The following SEPTIN1 variants were observed in gnomAD, a reference collection of about 807,000 sequenced individuals.
SEPTIN1 encodes the protein septin 1.
SEPTIN1 carries 52 observed loss-of-function variants against 50.7 expected under a neutral mutation model. The observed-to-expected ratio is 1.03, with a 90% CI of 0.82 to 1.29. SEPTIN1 has a LOEUF of 1.29. Ranked by LOEUF, SEPTIN1 falls within the 50% of genes most tolerant of loss-of-function variation. The pLI, the probability that SEPTIN1 is intolerant of heterozygous loss-of-function variation, is 0.00. For synonymous variants in SEPTIN1, 204 were observed against 189.1 expected, an observed-to-expected ratio of 1.08 and a Z score of -0.65; for missense variants, 455 against 490.7, an observed-to-expected ratio of 0.93 and a Z score of 0.69.
At position 30,382,255 on chromosome 16, in the gene SEPTIN1, C is replaced by T. The variant is rs1181717015; in HGVS notation, c.109+20G>A. 4 of 1,613,150 alleles carry T rather than the reference C, an allele frequency of 2.5e-6. No individual in the cohort carries two copies. The highest frequency in any genetic ancestry group is 2.2e-5 in the East Asian group (1 of 44,884). ...CCTAAGGACATCCCCTCCGCAGTTC[C>T]CTCTCCAAAACCCCCAGACCTGCCA... On this transcript the variant is annotated intron_variant, in intron 2 of 10. Coordinates refer to ENST00000321367, the MANE Select transcript of SEPTIN1 (RefSeq NM_001365977.2). The surrounding 1 kb of genome is among the most constrained non-coding windows in gnomAD (Gnocchi z 4.8).
chr16:30,378,574 G>A, intron 10 of SEPTIN1, 36 bp downstream of exon 10: 1 of 1,609,140 alleles, frequency 6.2e-7, no homozygotes, highest in South Asian at 1.1e-5. Context: ...GGGGGACCTG[G>A]GGCATCGGTC....
intron 7 of SEPTIN1, 94 bp from the exon 8 acceptor site, chr16:30,379,628 C>G (rs1324181264): frequency 2.1e-5 from 14 of 671,036 alleles, no homozygotes; most frequent in African/African-American, 3.9e-5. Context: ...CCTCTGCTTC[C>G]TGCCCCTTCC....
At position 30,382,113 on chromosome 16, in the gene SEPTIN1, C is replaced by T. The variant is rs746174841; in HGVS notation, c.176G>A (p.Arg59His). Residue 59 changes from arginine to histidine, a missense_variant, in exon 3 of 11, where the codon CGC becomes CAC. Transcript: ENST00000321367. The surrounding 1 kb of genome is among the most constrained non-coding windows in gnomAD (Gnocchi z 4.8). ...CTTACCACTGGCCTCTGGCACCTGG[C>T]GATCCTCATAGAGGTTGGTGAGGAA... ...SLFLTNLYED[R>H]QVPEASARLT... 7 of 1,582,624 alleles carry T rather than the reference C, an allele frequency of 4.4e-6. No individual in the cohort carries two copies. Among genetic ancestry groups the T allele is most frequent in the Non-Finnish European group, 3.4e-6 (4 of 1,163,962 alleles).
Position 30,378,460 on chromosome 16 carries a change from G to T in SEPTIN1, c.1093C>A (p.Gln365Lys). 6.3e-7 allele frequency: 1 copy of T among 1,575,702 alleles called. No individual in the cohort carries two copies. The change falls in exon 11 of 11, where the codon CAG becomes AAG. Residue 365 changes from glutamine to lysine, a missense_variant. Transcript: ENST00000321367. ...CAGAGGGCGTCTGACTGCTCGCCCTGGGCCTGGCTCTGCTGCATTTGGGCC... is the reference window on the plus strand; with the variant it reads ...CAGAGGGCGTCTGACTGCTCGCCCTTGGCCTGGCTCTGCTGCATTTGGGCC... ...MQAQMQQSQAQGEQSDAL is the reference protein window; with the variant it reads ...MQAQMQQSQAKGEQSDAL
chr16:30,378,770 A>C (rs1047308484), intron 9 of SEPTIN1, 70 bp from the exon 10 acceptor site: 40 of 1,396,442 alleles, frequency 2.9e-5, no homozygotes, highest in Admixed American at 6.0e-5. Context: ...CCCAGGAGGC[A>C]GGGCCTGGGG....
At chr16:30,379,389 C>T (rs750235408) in intron 8 of SEPTIN1, 46 bp downstream of exon 8, 30 of 1,551,834 alleles carry the variant, frequency 1.9e-5, no homozygotes, top group Non-Finnish European at 2.6e-5. Flanking sequence ...ACCCAGAGGC[C>T]CCGGGCTCCC....
At position 30,381,279 on chromosome 16, in the gene SEPTIN1, G is replaced by A. The variant is rs370529214; in HGVS notation, c.456-35C>T. The A allele has an allele frequency of 1.2e-6, 2 of 1,611,346 alleles. No individual in the cohort carries two copies. The highest frequency in any genetic ancestry group is 2.2e-5 in the East Asian group (1 of 44,880). ...GGGATTGGTCATTGCCCAGCCTCAGGGGGCAGAGACCCCCCAGCCCTCCCT... is the reference window on the plus strand; with the variant it reads ...GGGATTGGTCATTGCCCAGCCTCAGAGGGCAGAGACCCCCCAGCCCTCCCT... On this transcript the variant is annotated intron_variant, in intron 5 of 10. Coordinates refer to ENST00000321367, the MANE Select transcript of SEPTIN1 (RefSeq NM_001365977.2). The surrounding 1 kb of genome is among the most constrained non-coding windows in gnomAD (Gnocchi z 4.3).
Position 30,380,094 on chromosome 16 carries a change from C to T in SEPTIN1, c.574-61G>A, listed in dbSNP as rs1184615475. ...GGCCACAATGACAGACATTTCATGACCAGAGACAGTGAGACACAGAGATAC... is the reference window on the plus strand; with the variant it reads ...GGCCACAATGACAGACATTTCATGATCAGAGACAGTGAGACACAGAGATAC... On this transcript the variant is annotated intron_variant, in intron 6 of 10. Coordinates refer to ENST00000321367, the MANE Select transcript of SEPTIN1 (RefSeq NM_001365977.2). The T allele has an allele frequency of 7.2e-6, 10 of 1,396,950 alleles. No homozygotes were observed. In the South Asian group the frequency reaches 1.2e-4, roughly 17 times the overall value. The allele number at this position is 1,396,950 out of a possible 1,614,324, so 86.5% of individuals were successfully genotyped here.
Position 30,381,734 on chromosome 16 carries a change from C to CCT in SEPTIN1, c.320+24_320+25dup. 6.2e-7 allele frequency: 1 copy of CCT among 1,612,588 alleles called. No individual in the cohort carries two copies. Among genetic ancestry groups the CCT allele is most frequent in the Non-Finnish European group, 8.5e-7 (1 of 1,179,316 alleles). On this transcript the variant is annotated intron_variant, in intron 4 of 10. Transcript: ENST00000321367. This position sits in a 1 kb window ranked among gnomAD's most constrained non-coding sequence, Gnocchi z 4.3. ...GGAGTCGCCACTGTGAAAGGCTGAGCCTCTGTCCCCTTTCCTCTTCCTCAC... is the reference window on the plus strand; with the variant it reads ...GGAGTCGCCACTGTGAAAGGCTGAGCCTCTCTGTCCCCTTTCCTCTTCCTCAC...
At position 30,379,422 on chromosome 16, in the gene SEPTIN1, TG is replaced by T; in HGVS notation, c.775+12del. 1.2e-6 allele frequency: 2 copies of T among 1,610,756 alleles called. No homozygotes were observed. ...CCCTGCTGGCCTTAGGACCCCTGCC[TG>T]GCCTCACTCACCCTCCACGGTCCCC... On this transcript the variant is annotated intron_variant, in intron 8 of 10. Transcript: ENST00000321367.
At chr16:30,380,924 C>T (rs931151083) in intron 6 of SEPTIN1, 6 of 615,712 alleles carry the variant, frequency 9.7e-6, no homozygotes, top group African/African-American at 5.5e-5. Flanking sequence ...GCATCTAGCC[C>T]GGGGGCTGCA....
In SEPTIN1 at chr16:30,378,176, GAGA is replaced by G. The variant is rs1179946053; in HGVS notation, c.*255_*257del. The G allele has an allele frequency of 1.4e-6, 1 of 705,226 alleles. No individual in the cohort carries two copies. The highest frequency in any genetic ancestry group is 2.6e-6 in the Non-Finnish European group (1 of 391,988). The allele number at this position is 705,226 out of a possible 1,614,324, so 43.7% of individuals were successfully genotyped here. A position where few individuals can be genotyped will look rare whatever the true frequency, so the allele number is the denominator to read the frequency against. ...AGTTTTTATTGAAGACAGAGTCTGG[GAGA>G]AGAAGGGGGACTCCGGAAGACAGTG... On this transcript the variant is annotated 3_prime_UTR_variant, in exon 11 of 11. Coordinates refer to ENST00000321367, the MANE Select transcript of SEPTIN1 (RefSeq NM_001365977.2).
rs373569524 is a variant in SEPTIN1 at position 30,382,203 on chromosome 16, G to A, written c.110-24C>T. On this transcript the variant is annotated intron_variant, in intron 2 of 10. Coordinates refer to ENST00000321367, the MANE Select transcript of SEPTIN1 (RefSeq NM_001365977.2). This position sits in a 1 kb window ranked among gnomAD's most constrained non-coding sequence, Gnocchi z 4.8. ...CCCTGTGGACAGAACAGGCCCAACT[G>A]GTCAGGGGAGGGGACAGCCAGGGCC... 6.2e-7 allele frequency: 1 copy of A among 1,612,740 alleles called. No individual in the cohort carries two copies. Among genetic ancestry groups the A allele is most frequent in the Middle Eastern group, 1.7e-4 (1 of 6,056 alleles).
rs2151112176 is a variant in SEPTIN1, at chr16:30,382,489, G to A, written c.18+36C>T. 1 of 1,593,132 alleles carries A rather than the reference G, an allele frequency of 6.3e-7. No homozygotes were observed. Among genetic ancestry groups the A allele is most frequent in the Non-Finnish European group, 8.6e-7 (1 of 1,166,854 alleles). ...GGGACCCCAGGCATGGGGGCTGGGGGCCGAGATGCCCAGGTTTCTGGGTGT... is the reference window on the plus strand; with the variant it reads ...GGGACCCCAGGCATGGGGGCTGGGGACCGAGATGCCCAGGTTTCTGGGTGT... On this transcript the variant is annotated intron_variant, in intron 1 of 10. Coordinates refer to ENST00000321367, the MANE Select transcript of SEPTIN1 (RefSeq NM_001365977.2). The surrounding 1 kb of genome is among the most constrained non-coding windows in gnomAD (Gnocchi z 4.8).
rs1405599793 is a variant in SEPTIN1 at position 30,378,216 on chromosome 16, G to A, written c.*218C>T. 2 of 686,672 alleles carry A rather than the reference G, an allele frequency of 2.9e-6. No homozygotes were observed. The highest frequency in any genetic ancestry group is 5.2e-6 in the Non-Finnish European group (2 of 385,030). The allele number at this position is 686,672 out of a possible 1,614,324, so 42.5% of individuals were successfully genotyped here. A position where few individuals can be genotyped will look rare whatever the true frequency, so the allele number is the denominator to read the frequency against. On this transcript the variant is annotated 3_prime_UTR_variant, in exon 11 of 11. Coordinates refer to ENST00000321367, the MANE Select transcript of SEPTIN1 (RefSeq NM_001365977.2). ...TCCGGAAGACAGTGATGCGGTCGGA[G>A]ATTGTGCAGGCCCCGGGCCGGGAAG...
Position 30,381,351 on chromosome 16 carries a change from G to T in SEPTIN1, c.443C>A (p.Pro148His). ...CCCCCCACCAGACCCCCGGCCGAAG[G>T]GTGAGATGAAGTAGAGGCAGCAGTG... ...RVHCCLYFIS[P>H]FGRGLRPLDV... The change falls in exon 5 of 11, where the codon CCC becomes CAC. Residue 148 changes from proline to histidine, a missense_variant. By Grantham distance (77) the Pro-to-His change is moderately conservative. Transcript: ENST00000321367. This position sits in a 1 kb window ranked among gnomAD's most constrained non-coding sequence, Gnocchi z 4.3. The T allele has an allele frequency of 6.2e-7, 1 of 1,613,166 alleles. No individual in the cohort carries two copies. The highest frequency in any genetic ancestry group is 8.5e-7 in the Non-Finnish European group (1 of 1,179,588).
At chr16:30,382,569 TC>T, upstream of SEPTIN1, 1 of 1,581,376 alleles carries the variant, frequency 6.3e-7, no homozygotes, top group Non-Finnish European at 8.6e-7. This position sits in a 1 kb window ranked among gnomAD's most constrained non-coding sequence, Gnocchi z 4.8. Flanking sequence ...TCTCCCCACT[TC>T]CTCTGGTGGG....
Position 30,381,597 on chromosome 16 carries a change from T to C in SEPTIN1, c.321-124A>G, listed in dbSNP as rs572186967. On this transcript the variant is annotated intron_variant, in intron 4 of 10. Coordinates refer to ENST00000321367, the MANE Select transcript of SEPTIN1 (RefSeq NM_001365977.2). The surrounding 1 kb of genome is among the most constrained non-coding windows in gnomAD (Gnocchi z 4.3). ...TCCCTCCAAAGACATTAAGGGGAAC[T>C]GGTGGGGGCCTAGGTGAGTCATCAA... is the stretch of plus-strand genomic sequence containing the variant. 8.9e-6 allele frequency: 13 copies of C among 1,464,076 alleles called. No individual in the cohort carries two copies. The African/African-American group carries it at 1.4e-4, about 16-fold the overall frequency. 90.7% of individuals were successfully genotyped at this position (1,464,076 alleles called of 1,614,324 possible).
intron 6 of SEPTIN1, chr16:30,380,306 T>C (rs564925624): frequency 1.3e-4 from 26 of 196,184 alleles, no homozygotes; most frequent in Non-Finnish European, 2.5e-4. Context: ...ACAACAAATA[T>C]ACACATATAT....
Sources: gnomAD v4.1 joint callset for allele counts on GRCh38, gnomAD v4.1.1 for gene constraint, Gnocchi (gnomAD v3.1) non-coding constraint, MANE v1.5 for transcripts, NCBI Gene and HGNC (gene_info 2026-07-23, HGNC 2026-07-21) for gene names.